The following TEX15 variants were observed in gnomAD, a reference collection of about 807,000 sequenced individuals.
TEX15 encodes the protein testis expressed 15, meiosis and synapsis associated, also known as testis-expressed protein 15.
In TEX15, 171 loss-of-function variants were observed where a neutral mutation model predicts 237.3. The ratio of observed to expected loss-of-function variants is 0.72; its 90% CI spans 0.64 to 0.82. The LOEUF (loss-of-function observed/expected upper bound fraction) is 0.82. Ranked by LOEUF, TEX15 falls within the 40% of genes least tolerant of loss-of-function variation. The pLI is 0.00. For synonymous variants in TEX15, 1,338 were observed against 1,269.8 expected, an observed-to-expected ratio of 1.05 and a Z score of -1.14; for missense variants, 3,750 against 3,646.5, an observed-to-expected ratio of 1.03 and a Z score of -0.73.
intron 7 of TEX15, among the ~76,000 whole-genome samples, chr8:30,855,186 A>G: frequency 6.6e-6 from 1 of 152,188 alleles, no homozygotes; most frequent in East Asian, 1.9e-4. Context: ...GATCTTATAT[A>G]TAGAAAATCC....
intron 8 of TEX15, among the ~76,000 whole-genome samples, chr8:30,841,188 G>A (rs985029947): frequency 5.9e-5 from 9 of 152,138 alleles, no homozygotes; most frequent in African/African-American, 9.7e-5. Context: ...CCAAAGTGCC[G>A]GGATTACAGG....
intron 1 of TEX15, among the ~76,000 whole-genome samples, chr8:30,901,979 G>A (rs1425564620): frequency 6.6e-6 from 1 of 152,194 alleles, no homozygotes; most frequent in Non-Finnish European, 1.5e-5. Context: ...TGAACTAGGG[G>A]AAGTGGTTCT....
chr8:30,858,964 A>T (rs952513964), intron 6 of TEX15, 134 bp from the exon 7 acceptor site: 9 of 573,946 alleles, frequency 1.6e-5, no homozygotes, highest in Non-Finnish European at 2.4e-5. Context: ...GCCTTGTTTA[A>T]CCCTAATGTT....
chr8:30,846,704 C>T lies in TEX15; in HGVS notation c.3463G>A (p.Asp1155Asn). Residue 1155 changes from aspartate to asparagine, a missense_variant, in exon 8 of 11, where the codon GAT becomes AAT. Asp to Asn is a conservative substitution (Grantham distance 23, BLOSUM62 1). Transcript: ENST00000643185. ...TELTSPILLP[D>N]LQIKITNIFR... ...ATATTAGTAATTTTAATTTGTAGAT[C>T]TGGAAGTAAAATTGGGCTGGTAAGT... 6.2e-7 allele frequency: 1 copy of T among 1,613,536 alleles called. No individual in the cohort carries two copies. The highest frequency in any genetic ancestry group is 8.5e-7 in the Non-Finnish European group (1 of 1,179,722).
chr8:30,909,115 TTTTAGA>T (rs1809167391), intron 1 of TEX15, among the ~76,000 whole-genome samples: 1 of 152,124 alleles, frequency 6.6e-6, no homozygotes, highest in Non-Finnish European at 1.5e-5. Flanking sequence ...TTGTGTGTAG[TTTTAGA>T]TTTATATCAG....
At position 30,843,186 on chromosome 8, in the gene TEX15, A is replaced by C; in HGVS notation, c.6981T>G (p.Ile2327Met). The C allele has an allele frequency of 6.2e-7, 1 of 1,613,488 alleles. No individual in the cohort carries two copies. The highest frequency in any genetic ancestry group is 8.5e-7 in the Non-Finnish European group (1 of 1,179,648). The change falls in exon 8 of 11, where the codon ATT becomes ATG. Residue 2327 changes from isoleucine to methionine, a missense_variant. Transcript: ENST00000643185. ...TATCCTCCTCAAGCCCAATAGGGGAAATTGGTTCATTGTTTAAATCTTTAG... is the reference window on the plus strand; with the variant it reads ...TATCCTCCTCAAGCCCAATAGGGGACATTGGTTCATTGTTTAAATCTTTAG... ...TLSKDLNNEP[I>M]SPIGLEEDTI... is the part of the protein sequence containing the mutation.
Position 30,837,329 on chromosome 8 carries a change from G to A in TEX15, c.8955C>T (p.Thr2985=). 3.7e-6 allele frequency: 6 copies of A among 1,614,130 alleles called. No individual in the cohort carries two copies. Among genetic ancestry groups the A allele is most frequent in the Non-Finnish European group, 5.1e-6 (6 of 1,180,016 alleles). Residue 2985 remains threonine, a synonymous_variant, in exon 10 of 11, where the codon ACC becomes ACT. Coordinates refer to ENST00000643185, the MANE Select transcript of TEX15 (RefSeq NM_001350162.2). ...VHTFGASGHI[T]LNVNQGAEYS... Reference sequence around the variant, plus strand: ...ACTCTGCTCCTTGATTCACATTAAGGGTTATATGCCCAGATGCTCCAAAAG... The same window carrying A: ...ACTCTGCTCCTTGATTCACATTAAGAGTTATATGCCCAGATGCTCCAAAAG...
intron 10 of TEX15, among the ~76,000 whole-genome samples, chr8:30,835,080 G>C (rs1308488200): frequency 6.6e-6 from 1 of 152,016 alleles, no homozygotes; most frequent in Non-Finnish European, 1.5e-5. Flanking sequence ...ACCACCCTAG[G>C]CAACACAGTA....
chr8:30,872,450 CTA>C (rs1338479748), intron 4 of TEX15, among the ~76,000 whole-genome samples: 1 of 151,954 alleles, frequency 6.6e-6, no homozygotes, highest in Non-Finnish European at 1.5e-5. Flanking sequence ...TAATAAATGA[CTA>C]TGTTGTTGGT....
rs1807474960 is a variant in TEX15, at chr8:30,842,239, T to C, written c.7928A>G (p.Tyr2643Cys). Residue 2643 changes from tyrosine (Y) to cysteine (C), a missense_variant, in exon 8 of 11, where the codon TAT becomes TGT. Tyr to Cys is a radical substitution (Grantham distance 194). Transcript: ENST00000643185. ...CAGCTGTAAAATCTTCCTTCTGTTA[T>C]ACAGCATTTGGCATAGGAAAAAGGA... ...TISFFLCQMLYNRRKILQLKR... is the reference protein window; with the variant it reads ...TISFFLCQMLCNRRKILQLKR... 3 of 1,613,532 alleles carry C rather than the reference T, an allele frequency of 1.9e-6. No homozygotes were observed. In the South Asian group the frequency reaches 3.3e-5, roughly 18 times the overall value.
At chr8:30,911,470 C>T (rs192588579) in intron 1 of TEX15, among the ~76,000 whole-genome samples, 2 of 152,282 alleles carry the variant, frequency 1.3e-5, no homozygotes, top group Non-Finnish European at 2.9e-5. Context: ...TATCACTTCT[C>T]TTCCTTCTCC....
At chr8:30,894,494 C>T (rs560688636) in intron 2 of TEX15, among the ~76,000 whole-genome samples, 1 of 152,270 alleles carries the variant, frequency 6.6e-6, no homozygotes, top group African/African-American at 2.4e-5. Flanking sequence ...AAGCTTGGAA[C>T]AGGCATAAAG....
intron 3 of TEX15, among the ~76,000 whole-genome samples, chr8:30,876,900 T>C (rs971558085): frequency 6.6e-6 from 1 of 152,062 alleles, no homozygotes; most frequent in Non-Finnish European, 1.5e-5. Context: ...AGTCTTGAGA[T>C]AGTGAGTTTT....
rs762395085 is a variant in TEX15 at position 30,837,887 on chromosome 8, T to C, written c.8397A>G (p.Ile2799Met). The part of the protein sequence containing the change: ...DTCASKSESK[I>M]DLTVSSDHFS... ...AGTGATCAGATGAAACAGTTAAGTCTATTTTGCTTTCCGACTTTGATGCGC... is the reference window on the plus strand; with the variant it reads ...AGTGATCAGATGAAACAGTTAAGTCCATTTTGCTTTCCGACTTTGATGCGC... Residue 2799 changes from isoleucine (I) to methionine (M), a missense_variant, in exon 10 of 11, where the codon ATA becomes ATG. Ile to Met is a conservative substitution (Grantham distance 10). Transcript: ENST00000643185. 5.6e-6 allele frequency: 9 copies of C among 1,614,086 alleles called. No homozygotes were observed. The East Asian group carries it at 2.0e-4, about 36-fold the overall frequency.
Position 30,837,666 on chromosome 8 carries a change from TTTTGG to T in TEX15, c.8613_8617del (p.Gln2872IlefsTer5). ...TGGGTTTATATCAGAAAGGCAGGATTTTTGGGTGGGATCTGGGGAATTTTTAAGAA... is the reference window on the plus strand; with the variant it reads ...TGGGTTTATATCAGAAAGGCAGGATTGTGGGATCTGGGGAATTTTTAAGAA... On this transcript the variant is annotated frameshift_variant, in exon 10 of 11. Transcript: ENST00000643185. LOFTEE classifies it high-confidence loss of function. 6.2e-7 allele frequency: 1 copy of T among 1,613,952 alleles called. No homozygotes were observed. Among genetic ancestry groups the T allele is most frequent in the Non-Finnish European group, 8.5e-7 (1 of 1,179,972 alleles).
At chr8:30,876,375 T>G (rs868053731) in intron 3 of TEX15, among the ~76,000 whole-genome samples, 7 of 152,196 alleles carry the variant, frequency 4.6e-5, no homozygotes, top group African/African-American at 1.7e-4. Flanking sequence ...CAAGAAGGGT[T>G]TAACATTTTC....
At chr8:30,886,880 C>T (rs1585309177) in intron 3 of TEX15, 1 of 239,262 alleles carries the variant, frequency 4.2e-6, no homozygotes, top group Non-Finnish European at 7.9e-6. Flanking sequence ...ATGCCATTCC[C>T]TGAGTCTCAC....
intron 1 of TEX15, 36 bp downstream of exon 1, chr8:30,912,843 A>G (rs1018830228): frequency 6.6e-6 from 1 of 152,240 alleles, no homozygotes; most frequent in African/African-American, 2.4e-5. Flanking sequence ...CTAGCTGCTA[A>G]CCCTCCTCTC....
Position 30,833,064 on chromosome 8 carries a change from C to A in TEX15, c.*222G>T. 2.5e-6 allele frequency: 1 copy of A among 404,220 alleles called. No homozygotes were observed. Among genetic ancestry groups the A allele is most frequent in the Non-Finnish European group, 4.4e-6 (1 of 224,976 alleles). The allele number at this position is 404,220 out of a possible 1,614,324, so 25.0% of individuals were successfully genotyped here. ...GCTTAACTTTGATCATATTACCCTC[C>A]CCTTATAATTGCATGGAAATAATTC... On this transcript the variant is annotated 3_prime_UTR_variant, in exon 11 of 11. Transcript: ENST00000643185.
Sources: allele counts gnomAD v4.1 joint callset (sites outside exome capture counted in the v4.1 genomes callset), GRCh38; gene constraint gnomAD v4.1.1; transcripts MANE v1.5; gene names NCBI Gene and HGNC (gene_info 2026-07-23, HGNC 2026-07-21).